The following PALS2 variants were observed in gnomAD, a reference collection of about 807,000 sequenced individuals.
PALS2 encodes the protein protein associated with LIN7 2, MAGUK p55 family member, also known as protein PALS2.
In PALS2, 27 loss-of-function variants were observed where a neutral mutation model predicts 61.6. That is an observed-to-expected ratio of 0.44 (90% CI 0.32 to 0.60). The LOEUF (loss-of-function observed/expected upper bound fraction) is 0.60, where lower values mean the gene tolerates loss of function less well. Among genes scored for constraint, PALS2 ranks in the 20% least tolerant of loss-of-function variants. The probability of loss-of-function intolerance (pLI) is 0.05; values close to 1 mark genes in which losing one functional copy is unlikely to be tolerated. For missense variants in PALS2, 554 were observed against 639.4 expected (o/e 0.87, Z 1.44); for synonymous variants, 236 against 218.6 (o/e 1.08, Z -0.70).
rs139810413 is a variant in PALS2 at position 24,659,299 on chromosome 7, A to G, written c.652-4291A>G. On this transcript the variant is annotated intron_variant, in intron 5 of 11. Transcript: ENST00000222644. The stretch of plus-strand genomic sequence containing the variant: ...TATCTTTGCTGTTGTGAAAAGTGCT[A>G]TGATGAACATATGTGTACATGTGTC... 3.7e-3 allele frequency among the ~76,000 whole-genome samples: 571 copies of G among 152,336 alleles called. 11 individuals carry two copies. Among genetic ancestry groups the G allele is most frequent in the East Asian group, 0.035 (184 of 5,188 alleles).
At chr7:24,627,523 T>C (rs746593836) in intron 2 of PALS2, among the ~76,000 whole-genome samples, 1 of 151,876 alleles carries the variant, frequency 6.6e-6, no homozygotes, top group Non-Finnish European at 1.5e-5. Flanking sequence ...AGAGCAGAAC[T>C]GAAGGAGATA....
chr7:24,633,737 G>A (rs76890179), intron 2 of PALS2, among the ~76,000 whole-genome samples: 9,636 of 151,978 alleles, frequency 0.063, 353 homozygotes, highest in African/African-American at 0.093. Context: ...TTATGTAGAC[G>A]TAGTTTTTTA....
At chr7:24,665,226 G>A (rs376578529) in intron 6 of PALS2, among the ~76,000 whole-genome samples, 1 of 152,136 alleles carries the variant, frequency 6.6e-6, no homozygotes, top group African/African-American at 2.4e-5. Flanking sequence ...GTAGGATTAA[G>A]GTTGACAGTA....
At chr7:24,604,410 T>C (rs79022008) in intron 1 of PALS2, among the ~76,000 whole-genome samples, 10,180 of 151,894 alleles carry the variant, frequency 0.067, 408 homozygotes, top group African/African-American at 0.11. Context: ...GCAGAGAAAA[T>C]GTGAAGATCA....
At chr7:24,676,207 CT>C (rs563051479) in intron 9 of PALS2, among the ~76,000 whole-genome samples, 2,443 of 152,166 alleles carry the variant, frequency 0.016, 79 homozygotes, top group African/African-American at 0.056. Context: ...CCTTCGCCCA[CT>C]TTTTGATGGG....
At chr7:24,635,335 A>G (rs1295726990) in intron 2 of PALS2, among the ~76,000 whole-genome samples, 1 of 152,052 alleles carries the variant, frequency 6.6e-6, no homozygotes, top group Non-Finnish European at 1.5e-5. Flanking sequence ...TGTTTTTTAA[A>G]TTTCATTTTC....
intron 11 of PALS2, among the ~76,000 whole-genome samples, chr7:24,683,692 A>C (rs1481568034): frequency 6.6e-6 from 1 of 152,162 alleles, no homozygotes; most frequent in Non-Finnish European, 1.5e-5. Flanking sequence ...CCATAATACT[A>C]ACAGTGCCCA....
intron 3 of PALS2, among the ~76,000 whole-genome samples, chr7:24,643,112 A>G (rs1785649186): frequency 1.3e-5 from 2 of 152,182 alleles, no homozygotes; most frequent in Admixed American, 6.5e-5. Context: ...AGTTGATAAC[A>G]CAATTTATGA....
intron 11 of PALS2, 68 bp downstream of exon 11, chr7:24,680,588 T>C (rs1365513561): frequency 2.0e-6 from 3 of 1,497,306 alleles, no homozygotes; most frequent in Non-Finnish European, 2.7e-6. Context: ...AACTGTTATC[T>C]AATTTATTTT....
In PALS2 at chr7:24,694,037, T is replaced by A. The variant is rs1017233799; in HGVS notation, c.*6423T>A. 2.0e-5 allele frequency: 3 copies of A among 152,092 alleles called. No individual in the cohort carries two copies. Among genetic ancestry groups the A allele is most frequent in the Non-Finnish European group, 4.4e-5 (3 of 67,998 alleles). 9.4% of individuals were successfully genotyped at this position (152,092 alleles called of 1,614,324 possible). A position where few individuals can be genotyped will look rare whatever the true frequency, so the allele number is the denominator to read the frequency against. On this transcript the variant is annotated 3_prime_UTR_variant, in exon 12 of 12. Coordinates refer to ENST00000222644, the MANE Select transcript of PALS2 (RefSeq NM_001303037.2). The stretch of plus-strand genomic sequence containing the variant: ...TGGAGGGCAGAATGCTTGTTAGCAA[T>A]CTGAAAATCAAAGCTGAACAAGCTG...
In PALS2 at chr7:24,602,592, A is replaced by C. The variant is rs184610225; in HGVS notation, c.-2-21074A>C. On this transcript the variant is annotated intron_variant, in intron 1 of 11. Coordinates refer to ENST00000222644, the MANE Select transcript of PALS2 (RefSeq NM_001303037.2). ...AAGGCTTCAGATAGTCAGGAGGGAG[A>C]ATCAGGTGGAGGGGTTTGTATCAGC... Among the ~76,000 whole-genome samples the C allele has an allele frequency of 2.0e-5, 3 of 152,282 alleles. No homozygotes were observed. In the East Asian group the frequency reaches 5.8e-4, roughly 29 times the overall value.
intron 1 of PALS2, among the ~76,000 whole-genome samples, chr7:24,605,540 ATCTT>A (rs1783868173): frequency 6.6e-6 from 1 of 152,220 alleles, no homozygotes; most frequent in African/African-American, 2.4e-5. Flanking sequence ...TGAAGCATAT[ATCTT>A]CATATTTTCT....
chr7:24,616,586 G>A (rs1784300441), intron 1 of PALS2, among the ~76,000 whole-genome samples: 2 of 152,104 alleles, frequency 1.3e-5, no homozygotes, highest in Non-Finnish European at 2.9e-5. Context: ...TAGGCAACAT[G>A]TAATTGACTC....
intron 1 of PALS2, among the ~76,000 whole-genome samples, chr7:24,610,291 T>C (rs1298777821): frequency 6.6e-6 from 1 of 152,174 alleles, no homozygotes; most frequent in Non-Finnish European, 1.5e-5. Flanking sequence ...ATGCAGGTTC[T>C]TTACCACTGT....
At chr7:24,634,791 T>G (rs1000646654) in intron 2 of PALS2, among the ~76,000 whole-genome samples, 12 of 152,208 alleles carry the variant, frequency 7.9e-5, no homozygotes, top group Non-Finnish European at 1.2e-4. Context: ...TTGTTGGACT[T>G]TCAAATGGTG....
chr7:24,612,986 TA>T (rs1473285976), intron 1 of PALS2, among the ~76,000 whole-genome samples: 3 of 151,818 alleles, frequency 2.0e-5, no homozygotes, highest in African/African-American at 7.2e-5. Context: ...TTTACTAAGG[TA>T]AGGTTTTTTC....
rs953938024 is a variant in PALS2 at position 24,693,773 on chromosome 7, T to C, written c.*6159T>C. On this transcript the variant is annotated 3_prime_UTR_variant, in exon 12 of 12. Transcript: ENST00000222644. ...AAAGAAGTGATATGTTGGACTCTGT[T>C]GTAGAAGAATGAGCACTAGTATTCA... 8.5e-5 allele frequency: 13 copies of C among 152,204 alleles called. 1 individual carries two copies. Among genetic ancestry groups the C allele is most frequent in the Admixed American group, 7.9e-4 (12 of 15,276 alleles). 9.4% of individuals were successfully genotyped at this position (152,204 alleles called of 1,614,324 possible).
At chr7:24,653,588 A>G (rs1381149934) in intron 5 of PALS2, among the ~76,000 whole-genome samples, 1 of 152,148 alleles carries the variant, frequency 6.6e-6, no homozygotes, top group South Asian at 2.1e-4. Context: ...CTCACAAACC[A>G]TGAAAAACTT....
chr7:24,574,347 G>C (rs912388473), intron 1 of PALS2: 1 of 152,318 alleles, frequency 6.6e-6, no homozygotes, highest in South Asian at 2.1e-4. Context: ...GTCAGCAGGG[G>C]AGTCGATTGA....
Sources: allele counts gnomAD v4.1 joint callset (sites outside exome capture counted in the v4.1 genomes callset), GRCh38; gene constraint gnomAD v4.1.1; transcripts MANE v1.5; gene names NCBI Gene and HGNC (gene_info 2026-07-23, HGNC 2026-07-21).